The following RBBP5 variants were observed in gnomAD, a reference collection of about 807,000 sequenced individuals.
The protein encoded by RBBP5 is RB binding protein 5, histone lysine methyltransferase complex subunit.
In RBBP5, 5 loss-of-function variants were observed where a neutral mutation model predicts 72.2. The ratio of observed to expected loss-of-function variants is 0.07; its 90% CI spans 0.04 to 0.15. RBBP5 has a LOEUF of 0.15. Among genes scored for constraint, RBBP5 ranks in the 10% least tolerant of loss-of-function variants. The probability of loss-of-function intolerance (pLI) is 1.00; values close to 1 mark genes in which losing one functional copy is unlikely to be tolerated. For synonymous variants in RBBP5, 209 were observed against 237.2 expected (o/e 0.88, Z 1.09); for missense variants, 322 against 652.2 (o/e 0.49, Z 5.51).
In RBBP5 at chr1:205,115,838, C is replaced by T. The variant is rs552065313; in HGVS notation, c.45+20G>A. 180 of 1,583,228 alleles carry T rather than the reference C, an allele frequency of 1.1e-4. No homozygotes were observed. The highest frequency in any genetic ancestry group is 6.8e-4 in the Middle Eastern group (4 of 5,910). ...AGAAGTTACTATGTTCCTAAAATCACCACAATACTATACTCTTACCTCTGG... is the reference window on the plus strand; with the variant it reads ...AGAAGTTACTATGTTCCTAAAATCATCACAATACTATACTCTTACCTCTGG... On this transcript the variant is annotated intron_variant, in intron 2 of 13. Transcript: ENST00000264515.
At chr1:205,096,508 AAG>A (rs1429586078) in intron 12 of RBBP5, among the ~76,000 whole-genome samples, 172 bp downstream of exon 12, 1 of 152,242 alleles carries the variant, frequency 6.6e-6, no homozygotes, top group Non-Finnish European at 1.5e-5. Flanking sequence ...TCTCCATTTT[AAG>A]AGAGAAGTGA....
At chr1:205,107,736 G>A (rs1656130178) in intron 3 of RBBP5, among the ~76,000 whole-genome samples, 2 of 152,010 alleles carry the variant, frequency 1.3e-5, no homozygotes, top group Admixed American at 1.3e-4. Context: ...ACCTGAGGTT[G>A]GCAGTTGGAG....
chr1:205,101,562 T>C, intron 6 of RBBP5, 38 bp downstream of exon 6: 1 of 1,477,142 alleles, frequency 6.8e-7, no homozygotes, highest in East Asian at 2.3e-5. Flanking sequence ...TTCTATTCAC[T>C]CTTAAAACTG....
At chr1:205,115,927 A>T (rs1223143520) in intron 1 of RBBP5, 44 bp from the exon 2 acceptor site, 1 of 1,614,028 alleles carries the variant, frequency 6.2e-7, no homozygotes, top group African/African-American at 1.3e-5. Flanking sequence ...TGTACCACAT[A>T]GCAAGGATCA....
intron 1 of RBBP5, among the ~76,000 whole-genome samples, chr1:205,120,344 G>C (rs11240361): frequency 0.013 from 2,049 of 152,212 alleles, 44 homozygotes; most frequent in African/African-American, 0.047. Flanking sequence ...TTTTGAGCTA[G>C]GCATTCGAGA....
intron 13 of RBBP5, among the ~76,000 whole-genome samples, chr1:205,094,370 A>G (rs892423855): frequency 3.9e-5 from 6 of 152,224 alleles, no homozygotes; most frequent in African/African-American, 1.4e-4. Context: ...AGAAAGCACT[A>G]CCTGTGGGAT....
At chr1:205,112,950 C>T (rs1656374447) in intron 3 of RBBP5, among the ~76,000 whole-genome samples, 1 of 152,126 alleles carries the variant, frequency 6.6e-6, no homozygotes, top group Admixed American at 6.5e-5. Flanking sequence ...CAGCAAGACC[C>T]TGTCTCTATA....
intron 13 of RBBP5, among the ~76,000 whole-genome samples, chr1:205,093,509 TATATATATATATATATATATATATAC>T (rs1655470520): frequency 1.2e-3 from 7 of 5,808 alleles, no homozygotes; most frequent in Admixed American, 3.5e-3. Flanking sequence ...TATATATATA[TATATATATATATATATATATATATAC>T]ACACACACAC....
chr1:205,093,558 A>ACACACACACACACACG lies in RBBP5; in HGVS notation c.1588+1314_1588+1315insCGTGTGTGTGTGTGTG, dbSNP rs1474687926. Among the ~76,000 whole-genome samples the ACACACACACACACACG allele has an allele frequency of 1.1e-3, 131 of 115,962 alleles. 7 individuals are homozygous for ACACACACACACACACG. The highest frequency in any genetic ancestry group is 2.9e-3 in the African/African-American group (76 of 26,272). 76.1% of individuals were successfully genotyped at this position (115,962 alleles called of 152,430 possible). ...TACACACACACACACACACACACAC[A>ACACACACACACACACG]CACACACACACAGCATTATATGTAT... On this transcript the variant is annotated intron_variant, in intron 13 of 13. Coordinates refer to ENST00000264515, the MANE Select transcript of RBBP5 (RefSeq NM_005057.4).
rs1655833796 is a variant in RBBP5 at position 205,101,813 on chromosome 1, T to C, written c.523-104A>G. ...CGTAAAGACTGGGTAAAAATGCAAA[T>C]GTCTCTATTCCCATATATTTGACCT... On this transcript the variant is annotated intron_variant, in intron 5 of 13. Transcript: ENST00000264515. 6.4e-6 allele frequency: 5 copies of C among 782,928 alleles called. No individual in the cohort carries two copies. The South Asian group carries it at 8.8e-5, about 14-fold the overall frequency. 48.5% of individuals were successfully genotyped at this position (782,928 alleles called of 1,614,324 possible). A position where few individuals can be genotyped will look rare whatever the true frequency, so the allele number is the denominator to read the frequency against.
intron 13 of RBBP5, among the ~76,000 whole-genome samples, chr1:205,089,080 A>G (rs1655237783): frequency 6.6e-6 from 1 of 152,142 alleles, no homozygotes; most frequent in African/African-American, 2.4e-5. Flanking sequence ...TCAGAGTTCT[A>G]TTTTTTCTAA....
At chr1:205,113,374 G>A (rs1460670137) in intron 3 of RBBP5, among the ~76,000 whole-genome samples, 1 of 151,426 alleles carries the variant, frequency 6.6e-6, no homozygotes, top group Non-Finnish European at 1.5e-5. Context: ...TAGAACTCCT[G>A]TGTTCAAGTG....
intron 5 of RBBP5, among the ~76,000 whole-genome samples, chr1:205,103,056 A>G (rs1655906549): frequency 6.6e-6 from 1 of 150,910 alleles, no homozygotes; most frequent in African/African-American, 2.4e-5. Flanking sequence ...ACCTATAATC[A>G]CGGCACTTTA....
At chr1:205,089,805 C>T (rs965274535) in intron 13 of RBBP5, among the ~76,000 whole-genome samples, 4 of 152,136 alleles carry the variant, frequency 2.6e-5, no homozygotes, top group African/African-American at 9.7e-5. Context: ...AGATCTCTCT[C>T]AACATAAATC....
Position 205,103,974 on chromosome 1 carries a change from C to G in RBBP5, c.405G>C (p.Leu135Phe). Residue 135 changes from leucine (L) to phenylalanine (F), a missense_variant, in exon 5 of 14, where the codon TTG (leucine) becomes TTC (phenylalanine). By Grantham distance (22) the Leu-to-Phe change is conservative. Transcript: ENST00000264515. ...CAACATGTTTGGAATCTGAAAGGGT[C>G]AACATGACAGGAGCAGATTTCATGG... is the stretch of plus-strand genomic sequence containing the variant. ...VCPMKSAPVM[L>F]TLSDSKHVVL... is the part of the protein sequence containing the mutation. 1 of 1,614,056 alleles carries G rather than the reference C, an allele frequency of 6.2e-7. No homozygotes were observed. Among genetic ancestry groups the G allele is most frequent in the Non-Finnish European group, 8.5e-7 (1 of 1,179,988 alleles).
At chr1:205,103,335 TG>T (rs1447179450) in intron 5 of RBBP5, among the ~76,000 whole-genome samples, 2 of 151,944 alleles carry the variant, frequency 1.3e-5, no homozygotes, top group Non-Finnish European at 2.9e-5. Context: ...AGATGCCCAG[TG>T]GAACTATCCT....
At chr1:205,116,604 G>A (rs972659900) in intron 1 of RBBP5, among the ~76,000 whole-genome samples, 69 of 152,120 alleles carry the variant, frequency 4.5e-4, no homozygotes, top group African/African-American at 1.6e-3. Flanking sequence ...CAGATCACAA[G>A]GGAGTTCAAG....
intron 3 of RBBP5, among the ~76,000 whole-genome samples, chr1:205,108,331 G>T (rs1404117730): frequency 1.2e-4 from 19 of 152,148 alleles, no homozygotes; most frequent in African/African-American, 3.6e-4. Flanking sequence ...GTCAATGTAT[G>T]TAGAGCAAAT....
In RBBP5 at chr1:205,088,198, G is replaced by A. The variant is rs1416926016; in HGVS notation, c.*589C>T. The A allele has an allele frequency of 6.6e-6, 1 of 152,300 alleles. No homozygotes were observed. The highest frequency in any genetic ancestry group is 1.5e-5 in the Non-Finnish European group (1 of 68,088). 9.4% of individuals were successfully genotyped at this position (152,300 alleles called of 1,614,324 possible). ...TCTTGAGCAAAACGTGGTATGAGAG[G>A]AAGAGAGGGCCTTCGTTGTTCCCTT... On this transcript the variant is annotated 3_prime_UTR_variant, in exon 14 of 14. Transcript: ENST00000264515.
Sources: allele counts gnomAD v4.1 joint callset (sites outside exome capture counted in the v4.1 genomes callset), GRCh38; gene constraint gnomAD v4.1.1; transcripts MANE v1.5; gene names NCBI Gene and HGNC (gene_info 2026-07-23, HGNC 2026-07-21).